ADGRV1: variants seen among roughly 807,000 people sequenced by gnomAD.
The protein encoded by ADGRV1 is G-protein coupled receptor 98.
In ADGRV1, 359 loss-of-function variants were observed where a neutral mutation model predicts 596.2. The ratio of observed to expected loss-of-function variants is 0.60; its 90% confidence interval spans 0.55 to 0.66. The LOEUF is 0.66. Ranked by LOEUF, ADGRV1 falls within the 30% of genes least tolerant of loss-of-function variation. The pLI is 0.00. For synonymous variants in ADGRV1, 2,681 were observed against 2,679.2 expected, an observed-to-expected ratio of 1.00 and a Z score of -0.02; for missense variants, 7,274 against 7,575.6, an observed-to-expected ratio of 0.96 and a Z score of 1.48.
intron 86 of ADGRV1, 59 bp downstream of exon 86, chr5:91,072,663 G>T: frequency 6.5e-7 from 1 of 1,538,138 alleles, no homozygotes. Context: ...GTGGGAAAAT[G>T]TCACTGAATT....
chr5:90,625,077 C>T lies in ADGRV1; in HGVS notation c.559-53C>T, dbSNP rs1462101898. ...AGCTGACATCACAATGATGCTTTCT[C>T]AGTCTTGTGAAGTATTTTGCATTTA... On this transcript the variant is annotated intron_variant, in intron 5 of 89. Coordinates refer to ENST00000405460, the MANE Select transcript of ADGRV1 (RefSeq NM_032119.4). 23 of 1,036,140 alleles carry T rather than the reference C, an allele frequency of 2.2e-5. 1 individual carries two copies. The South Asian group carries it at 2.4e-4, about 11-fold the overall frequency. 64.2% of individuals were successfully genotyped at this position (1,036,140 alleles called of 1,614,324 possible).
intron 87 of ADGRV1, among the ~76,000 whole-genome samples, chr5:91,116,623 C>G (rs1022628423): frequency 3.3e-5 from 5 of 152,172 alleles, no homozygotes; most frequent in African/African-American, 9.7e-5. Flanking sequence ...GCTGCATTTA[C>G]TAAGCTACCA....
Position 90,755,204 on chromosome 5 carries a change from G to T in ADGRV1, c.11580+19G>T. ...TTTGCCGGTAAGTCAAGGCTGCAAA[G>T]AATGTGATCTAAAATAGAGGAAAAT... On this transcript the variant is annotated intron_variant, in intron 55 of 89. Transcript: ENST00000405460. The T allele has an allele frequency of 6.4e-7, 1 of 1,552,034 alleles. No individual in the cohort carries two copies. The highest frequency in any genetic ancestry group is 8.7e-7 in the Non-Finnish European group (1 of 1,143,888).
chr5:90,731,467 T>C (rs1341220917), intron 50 of ADGRV1, among the ~76,000 whole-genome samples: 1 of 152,136 alleles, frequency 6.6e-6, no homozygotes, highest in African/African-American at 2.4e-5. Context: ...TACCATTTGC[T>C]CTGTGAGGGG....
chr5:91,015,830 A>G (rs1278385267), intron 85 of ADGRV1, among the ~76,000 whole-genome samples: 1 of 151,928 alleles, frequency 6.6e-6, no homozygotes, highest in African/African-American at 2.4e-5. Flanking sequence ...CTGGTTTGCC[A>G]CTGTGCCTTT....
At chr5:91,160,527 AG>A (rs1796856368) in intron 89 of ADGRV1, among the ~76,000 whole-genome samples, 2 of 152,308 alleles carry the variant, frequency 1.3e-5, no homozygotes, top group South Asian at 2.1e-4. Context: ...TGTTAAGAAA[AG>A]ATGAAGCTCA....
chr5:90,712,261 C>T, intron 41 of ADGRV1, 26 bp from the exon 42 acceptor site: 2 of 1,403,446 alleles, frequency 1.4e-6, no homozygotes, highest in African/African-American at 1.4e-5. Flanking sequence ...AAATATAATA[C>T]ATTCTGCTTT....
intron 83 of ADGRV1, among the ~76,000 whole-genome samples, chr5:90,881,121 A>G (rs562545660): frequency 3.5e-4 from 53 of 152,204 alleles, no homozygotes; most frequent in Non-Finnish European, 6.3e-4. Context: ...GAGAAGCTTC[A>G]TTGTGCATCT....
intron 84 of ADGRV1, among the ~76,000 whole-genome samples, chr5:90,974,142 G>C (rs1779332997): frequency 6.6e-6 from 1 of 152,088 alleles, no homozygotes; most frequent in Admixed American, 6.6e-5. Flanking sequence ...CAACTTACAA[G>C]GGACGTGAAG....
chr5:91,078,744 T>A (rs1217574848), intron 86 of ADGRV1, among the ~76,000 whole-genome samples: 1 of 152,182 alleles, frequency 6.6e-6, no homozygotes, highest in Non-Finnish European at 1.5e-5. Flanking sequence ...GACATGGACA[T>A]GTGAGTGAAG....
chr5:90,995,317 G>T (rs190924933), intron 85 of ADGRV1, among the ~76,000 whole-genome samples: 1 of 152,090 alleles, frequency 6.6e-6, no homozygotes, highest in Non-Finnish European at 1.5e-5. Flanking sequence ...TGCAAGTTGG[G>T]ATTTTCTTTG....
At chr5:90,697,295 G>T in intron 34 of ADGRV1, 149 bp downstream of exon 34, 1 of 696,102 alleles carries the variant, frequency 1.4e-6, no homozygotes, top group Non-Finnish European at 2.3e-6. Flanking sequence ...TTGGGAGAAG[G>T]CTTTATAATG....
chr5:90,998,504 A>C lies in ADGRV1; in HGVS notation c.18152+12982A>C, dbSNP rs1781592199. Reference sequence around the variant, plus strand: ...TAATACCCATTACATTATAATTTGTAATGTTCTATTGTGTTGATTTAATCA... The same window carrying C: ...TAATACCCATTACATTATAATTTGTCATGTTCTATTGTGTTGATTTAATCA... On this transcript the variant is annotated intron_variant, in intron 85 of 89. Coordinates refer to ENST00000405460, the MANE Select transcript of ADGRV1 (RefSeq NM_032119.4). 2.6e-5 allele frequency among the ~76,000 whole-genome samples: 4 copies of C among 152,090 alleles called. No homozygotes were observed. The South Asian group carries it at 8.3e-4, about 32-fold the overall frequency.
intron 84 of ADGRV1, among the ~76,000 whole-genome samples, chr5:90,982,282 AAC>A (rs1210633092): frequency 1.3e-5 from 2 of 152,290 alleles, no homozygotes; most frequent in Non-Finnish European, 1.5e-5. Flanking sequence ...AATCTATGGT[AAC>A]GTTGGTTTCA....
At chr5:91,039,984 C>T (rs771028385) in intron 85 of ADGRV1, among the ~76,000 whole-genome samples, 1 of 151,770 alleles carries the variant, frequency 6.6e-6, no homozygotes, top group Non-Finnish European at 1.5e-5. Flanking sequence ...TGGAAAGAGC[C>T]AGAAGAGACC....
intron 66 of ADGRV1, among the ~76,000 whole-genome samples, 153 bp downstream of exon 66, chr5:90,783,478 AAG>A (rs1244166931): frequency 6.6e-6 from 1 of 152,178 alleles, no homozygotes; most frequent in African/African-American, 2.4e-5. Context: ...GGGGTAGGGA[AAG>A]AGGGGCTAGG....
intron 38 of ADGRV1, among the ~76,000 whole-genome samples, chr5:90,708,148 G>A (rs1342581424): frequency 6.6e-6 from 1 of 151,050 alleles, no homozygotes; most frequent in Non-Finnish European, 1.5e-5. Context: ...AAATATTGAT[G>A]GCTGGCTGAT....
chr5:90,740,457 G>T (rs146015349), intron 50 of ADGRV1, among the ~76,000 whole-genome samples: 1 of 152,186 alleles, frequency 6.6e-6, no homozygotes, highest in Admixed American at 6.5e-5. Flanking sequence ...TCAACATGCC[G>T]CTATCTCCTG....
intron 83 of ADGRV1, among the ~76,000 whole-genome samples, chr5:90,938,388 ATTTAC>A (rs1319739188): frequency 6.6e-6 from 1 of 152,174 alleles, no homozygotes; most frequent in African/African-American, 2.4e-5. Context: ...GTTACTTATA[ATTTAC>A]TTCCTAATGC....
Sources: allele counts gnomAD v4.1 joint callset (sites outside exome capture counted in the v4.1 genomes callset), GRCh38; gene constraint gnomAD v4.1.1; transcripts MANE v1.5; gene names NCBI Gene and HGNC (gene_info 2026-07-23, HGNC 2026-07-21).